The following COL24A1 variants were observed in gnomAD, a reference collection of about 807,000 sequenced individuals.
COL24A1 encodes collagen type XXIV alpha 1 chain.
A neutral mutation model predicts 253.9 loss-of-function variants in COL24A1; 224 were observed. The observed-to-expected ratio is 0.88, with a 90% CI of 0.79 to 0.99. The LOEUF (loss-of-function observed/expected upper bound fraction) is 0.99. Among genes scored for constraint, COL24A1 ranks in the 50% least tolerant of loss-of-function variants. The pLI, the probability that COL24A1 is intolerant of heterozygous loss-of-function variation, is 0.00. For synonymous variants in COL24A1, 685 were observed against 673.7 expected, an observed-to-expected ratio of 1.02 and a Z score of -0.26; for missense variants, 2,131 against 2,068.5, an observed-to-expected ratio of 1.03 and a Z score of -0.59.
intron 47 of COL24A1, among the ~76,000 whole-genome samples, chr1:85,811,023 G>T (rs1672475768): frequency 6.6e-6 from 1 of 152,106 alleles, no homozygotes; most frequent in Non-Finnish European, 1.5e-5. Context: ...AGTATCATAG[G>T]TCTTTCATAT....
chr1:85,804,372 T>C (rs1158672141), intron 47 of COL24A1, among the ~76,000 whole-genome samples: 1 of 152,112 alleles, frequency 6.6e-6, no homozygotes, highest in Non-Finnish European at 1.5e-5. Flanking sequence ...ACAAAAGAAG[T>C]AATTTTTAAG....
intron 12 of COL24A1, among the ~76,000 whole-genome samples, chr1:86,037,336 C>T (rs1699115170): frequency 6.6e-6 from 1 of 152,166 alleles, no homozygotes. Flanking sequence ...TGAGATATCA[C>T]TGCCATGATT....
At chr1:86,037,277 T>C (rs115873360) in intron 12 of COL24A1, among the ~76,000 whole-genome samples, 2,724 of 152,292 alleles carry the variant, frequency 0.018, 74 homozygotes, top group African/African-American at 0.062. Context: ...TGAGTGTAGC[T>C]AGCACCTATG....
In COL24A1 at chr1:85,834,088, C is replaced by T. The variant is rs545971841; in HGVS notation, c.3681+4497G>A. Among the ~76,000 whole-genome samples, 93 of 151,204 alleles carry T rather than the reference C, an allele frequency of 6.2e-4. 2 individuals carry two copies. In the South Asian group the frequency reaches 0.016, roughly 26 times the overall value. ...ATATGTAACAAACCTGTACATTGTG[C>T]ACATGTACCCTAAAACTTAAAGTAT... On this transcript the variant is annotated intron_variant, in intron 43 of 59. Coordinates refer to ENST00000370571, the MANE Select transcript of COL24A1 (RefSeq NM_152890.7).
intron 7 of COL24A1, among the ~76,000 whole-genome samples, chr1:86,079,672 T>C (rs1702498416): frequency 6.6e-6 from 1 of 152,032 alleles, no homozygotes; most frequent in South Asian, 2.1e-4. Flanking sequence ...AAGGAAATGG[T>C]AAACAGGCAT....
At chr1:85,923,683 A>C (rs1686821263) in intron 24 of COL24A1, among the ~76,000 whole-genome samples, 1 of 152,212 alleles carries the variant, frequency 6.6e-6, no homozygotes, top group African/African-American at 2.4e-5. Context: ...GTGTAGAGGG[A>C]AATTTAGAGC....
chr1:85,847,423 C>T (rs1677248747), intron 39 of COL24A1, among the ~76,000 whole-genome samples: 1 of 152,054 alleles, frequency 6.6e-6, no homozygotes, highest in African/African-American at 2.4e-5. Flanking sequence ...TTTTTAAAAC[C>T]TCATTTCATA....
intron 24 of COL24A1, among the ~76,000 whole-genome samples, chr1:85,934,283 A>G (rs939740096): frequency 3.0e-4 from 46 of 152,218 alleles, no homozygotes; most frequent in African/African-American, 1.1e-3. Context: ...AAAGAGCCAA[A>G]GTAGACTGCA....
intron 19 of COL24A1, among the ~76,000 whole-genome samples, chr1:86,010,618 C>T (rs1038715583): frequency 3.3e-5 from 5 of 152,032 alleles, no homozygotes; most frequent in East Asian, 1.9e-4. Context: ...CACCTCCAAC[C>T]GTATAGAAAT....
intron 19 of COL24A1, among the ~76,000 whole-genome samples, chr1:86,006,832 CACCTCACCAAGGAAGATATACAGA>C (rs1696007649): frequency 6.6e-6 from 1 of 151,980 alleles, no homozygotes; most frequent in Admixed American, 6.6e-5. Context: ...CCTTAACAAA[CACCTCACCAAGGAAGATATACAGA>C]TGGTAAATAA....
At chr1:86,133,224 T>G (rs4379701) in intron 2 of COL24A1, among the ~76,000 whole-genome samples, 97,154 of 151,830 alleles carry the variant, frequency 0.64, 31,303 homozygotes, top group Non-Finnish European at 0.7. Context: ...TTTGCTGAAG[T>G]TGCTTATCAG....
intron 19 of COL24A1, among the ~76,000 whole-genome samples, chr1:85,990,126 TTTTC>T (rs1200545115): frequency 3.3e-5 from 5 of 151,914 alleles, no homozygotes; most frequent in African/African-American, 9.7e-5. Context: ...TTGTTTTTTC[TTTTC>T]TTTTCTTTTT....
In COL24A1 at chr1:85,914,378, C is replaced by T. The variant is rs1423751452; in HGVS notation, c.2563-2945G>A. On this transcript the variant is annotated intron_variant, in intron 24 of 59. Coordinates refer to ENST00000370571, the MANE Select transcript of COL24A1 (RefSeq NM_152890.7). Reference sequence around the variant, plus strand: ...ATCTTTGGTTCTTTTCTTCTCATTTCTTTTTTTCTTTTCTTTTTTTTTTTT... The same window carrying T: ...ATCTTTGGTTCTTTTCTTCTCATTTTTTTTTTTCTTTTCTTTTTTTTTTTT... Among the ~76,000 whole-genome samples, 8 of 142,178 alleles carry T rather than the reference C, an allele frequency of 5.6e-5. 1 individual carries two copies. The highest frequency in any genetic ancestry group is 1.2e-4 in the Non-Finnish European group (8 of 65,038). 93.3% of individuals were successfully genotyped at this position (142,178 alleles called of 152,430 possible).
At chr1:85,970,427 C>G (rs1341213429) in intron 21 of COL24A1, among the ~76,000 whole-genome samples, 156 bp from the exon 22 acceptor site, 3 of 152,036 alleles carry the variant, frequency 2.0e-5, no homozygotes, top group Non-Finnish European at 4.4e-5. Context: ...CTCCATCACC[C>G]CACAACACTT....
chr1:85,796,099 G>A (rs1432079001), intron 47 of COL24A1, among the ~76,000 whole-genome samples: 2 of 152,114 alleles, frequency 1.3e-5, no homozygotes, highest in Non-Finnish European at 2.9e-5. Flanking sequence ...TTATGAATGA[G>A]CTATATACTA....
At chr1:85,838,700 G>A (rs2102221204) in intron 42 of COL24A1, 62 bp from the exon 43 acceptor site, 1 of 1,457,120 alleles carries the variant, frequency 6.9e-7, no homozygotes, top group Non-Finnish European at 9.6e-7. Flanking sequence ...TGCGAATGCA[G>A]GTGATAAGAT....
At chr1:85,880,306 C>T (rs1223447356) in intron 32 of COL24A1, among the ~76,000 whole-genome samples, 1 of 151,970 alleles carries the variant, frequency 6.6e-6, no homozygotes, top group African/African-American at 2.4e-5. Context: ...ATTTTAAATT[C>T]CAATTGCTCA....
intron 5 of COL24A1, among the ~76,000 whole-genome samples, chr1:86,106,251 C>A (rs549722379): frequency 1.3e-5 from 2 of 151,942 alleles, no homozygotes; most frequent in South Asian, 4.2e-4. Context: ...ACAGTCATAA[C>A]CAGGGATAGA....
intron 2 of COL24A1, among the ~76,000 whole-genome samples, chr1:86,130,521 T>C (rs976287056): frequency 6.6e-5 from 10 of 151,944 alleles, no homozygotes; most frequent in African/African-American, 2.4e-4. Context: ...ATTTTAAATG[T>C]ATATAATGCC....
Sources: gnomAD v4.1 joint callset for allele counts (sites outside exome capture counted in the v4.1 genomes callset) on GRCh38, gnomAD v4.1.1 for gene constraint, MANE v1.5 for transcripts, NCBI Gene and HGNC (gene_info 2026-07-23, HGNC 2026-07-21) for gene names.